The following TMEM200C variants were observed in gnomAD, a reference collection of about 807,000 sequenced individuals.
TMEM200C encodes the protein transmembrane protein TTMA.
For synonymous variants in TMEM200C, 462 were observed against 324.7 expected, an observed-to-expected ratio of 1.42 and a Z score of -4.55; for missense variants, 966 against 699.9, an observed-to-expected ratio of 1.38 and a Z score of -4.29.
exon 3 of TMEM200C, chr18:5,884,850 T>A (rs2095164228): frequency 6.6e-6 from 1 of 152,126 alleles, no homozygotes; most frequent in African/African-American, 2.4e-5. Context: ...TAGACATAGT[T>A]TAAAGATACT....
intron 2 of TMEM200C, among the ~76,000 whole-genome samples, chr18:5,894,499 T>C (rs2095174061): frequency 6.6e-6 from 1 of 152,184 alleles, no homozygotes; most frequent in Non-Finnish European, 1.5e-5. Context: ...CCTCGCAATT[T>C]ACTGCCTGGA....
chr18:5,891,398 C>T lies in TMEM200C; in HGVS notation c.666G>A (p.Ala222=). The change falls in exon 3 of 3, where the codon GCG becomes GCA. Residue 222 remains alanine, a synonymous_variant. Transcript: ENST00000581347. This position sits in a 1 kb window ranked among gnomAD's most constrained non-coding sequence, Gnocchi z 4.7. ...AGGCGGCGGCGGCCGCGGCGGCGGCCGCGGCGGCCGCCAGGTCTTTGGCGC... is the reference window on the plus strand; with the variant it reads ...AGGCGGCGGCGGCCGCGGCGGCGGCTGCGGCGGCCGCCAGGTCTTTGGCGC... 7.4e-7 allele frequency: 1 copy of T among 1,353,278 alleles called. No homozygotes were observed. 83.8% of individuals were successfully genotyped at this position (1,353,278 alleles called of 1,614,324 possible).
chr18:5,890,620 GC>G lies in TMEM200C; in HGVS notation c.1443del (p.Pro482ArgfsTer73). On this transcript the variant is annotated frameshift_variant, in exon 3 of 3. Transcript: ENST00000581347. LOFTEE classifies it low-confidence loss of function (END_TRUNC). ...GGGGAGGGCGGGGGCTCGGGGGACGGCGGCGCCCGGTAGTCCGGGAGCCCGC... is the reference window on the plus strand; with the variant it reads ...GGGGAGGGCGGGGGCTCGGGGGACGGGGCGCCCGGTAGTCCGGGAGCCCGC... 1 of 1,001,478 alleles carries G rather than the reference GC, an allele frequency of 1.0e-6. No homozygotes were observed. The highest frequency in any genetic ancestry group is 1.3e-6 in the Non-Finnish European group (1 of 766,158). 62.0% of individuals were successfully genotyped at this position (1,001,478 alleles called of 1,614,324 possible). A position where few individuals can be genotyped will look rare whatever the true frequency, so the allele number is the denominator to read the frequency against.
intron 2 of TMEM200C, among the ~76,000 whole-genome samples, chr18:5,893,890 C>T (rs2095173494): frequency 6.6e-6 from 1 of 151,544 alleles, no homozygotes; most frequent in African/African-American, 2.4e-5. Flanking sequence ...TTAAGCTGCA[C>T]CAGTAAGTAC....
In TMEM200C at chr18:5,891,308, G is replaced by A. The variant is rs989336256; in HGVS notation, c.756C>T (p.Ser252=). 5 of 1,410,928 alleles carry A rather than the reference G, an allele frequency of 3.5e-6. No individual in the cohort carries two copies. The highest frequency in any genetic ancestry group is 4.6e-6 in the Non-Finnish European group (5 of 1,077,198). 87.4% of individuals were successfully genotyped at this position (1,410,928 alleles called of 1,614,324 possible). The change falls in exon 3 of 3, where the codon AGC becomes AGT. Residue 252 remains serine (S), a synonymous_variant. Coordinates refer to ENST00000581347, the Ensembl canonical transcript of TMEM200C. The surrounding 1 kb of genome is among the most constrained non-coding windows in gnomAD (Gnocchi z 4.7). ...GCTCCAGGCCCCGCGACTGCACGTA[G>A]CTGAGGAAGCCGTTGAGCGGTATGG...
At chr18:5,885,033 C>G (rs557060841) in exon 3 of TMEM200C, 1 of 152,200 alleles carries the variant, frequency 6.6e-6, no homozygotes, top group East Asian at 1.9e-4. Context: ...AATGTCTAGC[C>G]ATGCATTTGC....
At position 5,891,660 on chromosome 18, in the gene TMEM200C, G is replaced by A; in HGVS notation, c.404C>T (p.Pro135Leu). 1 of 1,613,818 alleles carries A rather than the reference G, an allele frequency of 6.2e-7. No individual in the cohort carries two copies. Among genetic ancestry groups the A allele is most frequent in the Non-Finnish European group, 8.5e-7 (1 of 1,179,860 alleles). Residue 135 changes from proline to leucine, a missense_variant, in exon 3 of 3, where the codon CCT (proline) becomes CTT (leucine). Physicochemically the swap from Pro to Leu is moderately conservative, Grantham distance 98 (BLOSUM62 -3). Coordinates refer to ENST00000581347, the Ensembl canonical transcript of TMEM200C. The surrounding 1 kb of genome is among the most constrained non-coding windows in gnomAD (Gnocchi z 4.7). ...GGACGGGGAGGCGGCTCGTGCTGGA[G>A]GCGTGCTCCTGGGCGCGCCCGCGGA...
chr18:5,884,065 T>C lies in TMEM200C; in HGVS notation c.*6133A>G, dbSNP rs142203846. ...ATTAAATATAGAATGTAGGTATATATATTTTGAGCATTTTAATGCCAAACC... is the reference window on the plus strand; with the variant it reads ...ATTAAATATAGAATGTAGGTATATACATTTTGAGCATTTTAATGCCAAACC... On this transcript the variant is annotated 3_prime_UTR_variant, in exon 3 of 3. Coordinates refer to ENST00000581347, the Ensembl canonical transcript of TMEM200C. 1.1e-4 allele frequency: 17 copies of C among 152,252 alleles called. No homozygotes were observed. The East Asian group carries it at 3.1e-3, about 28-fold the overall frequency. 9.4% of individuals were successfully genotyped at this position (152,252 alleles called of 1,614,324 possible).
At chr18:5,893,857 A>G (rs2095173455) in intron 2 of TMEM200C, among the ~76,000 whole-genome samples, 1 of 152,234 alleles carries the variant, frequency 6.6e-6, no homozygotes, top group African/African-American at 2.4e-5. Context: ...AGGGGTCAGT[A>G]TAGAGAATAC....
intron 1 of TMEM200C, chr18:5,895,847 C>T (rs1337657862): frequency 6.6e-6 from 1 of 151,716 alleles, no homozygotes; most frequent in African/African-American, 2.4e-5. Flanking sequence ...CTTCTTTCCT[C>T]CAACTACCTG....
At chr18:5,895,571 C>T (rs1319528927) in intron 1 of TMEM200C, 49 bp from the exon 1 acceptor site, 1 of 140,708 alleles carries the variant, frequency 7.1e-6, no homozygotes, top group Non-Finnish European at 1.6e-5. Flanking sequence ...CGCCCCCGCC[C>T]CCGCCCCCCG....
chr18:5,884,615 T>C (rs1436899725), exon 3 of TMEM200C: 2 of 152,098 alleles, frequency 1.3e-5, no homozygotes, highest in African/African-American at 4.8e-5. Context: ...TTTGTGTAGT[T>C]TACCAAAAGG....
Position 5,891,115 on chromosome 18 carries a change from T to C in TMEM200C, c.949A>G (p.Ser317Gly). The change falls in exon 3 of 3, where the codon AGC becomes GGC. Residue 317 changes from serine to glycine, a missense_variant. Ser to Gly is a moderately conservative substitution (Grantham distance 56, BLOSUM62 0). Transcript: ENST00000581347. This position sits in a 1 kb window ranked among gnomAD's most constrained non-coding sequence, Gnocchi z 4.7. ...ACGCTGTACACGGCCTCGGCCAGGCTCGGGGGCTCCCGCGGACAGCGCGGG... is the reference window on the plus strand; with the variant it reads ...ACGCTGTACACGGCCTCGGCCAGGCCCGGGGGCTCCCGCGGACAGCGCGGG... The C allele has an allele frequency of 2.0e-6, 1 of 496,458 alleles. No homozygotes were observed. The highest frequency in any genetic ancestry group is 3.4e-6 in the Non-Finnish European group (1 of 295,402). The allele number at this position is 496,458 out of a possible 1,614,324, so 30.8% of individuals were successfully genotyped here.
chr18:5,888,058 C>T (rs775296994), exon 3 of TMEM200C: 1 of 152,222 alleles, frequency 6.6e-6, no homozygotes, highest in Non-Finnish European at 1.5e-5. Context: ...ACAGTGCATT[C>T]TCCGAGGACT....
At chr18:5,890,665 A>C in exon 3 of TMEM200C, 1 of 616,304 alleles carries the variant, frequency 1.6e-6, no homozygotes, top group Non-Finnish European at 2.4e-6. Flanking sequence ...CGGCGCCGCA[A>C]GGCCGCGTAC....
In TMEM200C at chr18:5,895,012, G is replaced by C. The variant is rs1411353929; in HGVS notation, c.-95+18C>G. 7 of 152,284 alleles carry C rather than the reference G, an allele frequency of 4.6e-5. No homozygotes were observed. Among genetic ancestry groups the C allele is most frequent in the African/African-American group, 1.4e-4 (6 of 41,450 alleles). The allele number at this position is 152,284 out of a possible 1,614,324, so 9.4% of individuals were successfully genotyped here. On this transcript the variant is annotated intron_variant, in intron 2 of 2. Coordinates refer to ENST00000581347, the Ensembl canonical transcript of TMEM200C. ...CTCAAAATGGCAGCACTCTCCGCAC[G>C]CAAGATCGCTCACTTACCCAGGGAG...
At chr18:5,890,246 C>T in exon 3 of TMEM200C, 1 of 1,584,104 alleles carries the variant, frequency 6.3e-7, no homozygotes, top group Non-Finnish European at 8.6e-7. Flanking sequence ...TGGCATGAGA[C>T]CTGGAAATCA....
intron 2 of TMEM200C, among the ~76,000 whole-genome samples, chr18:5,893,138 CT>C (rs2095172833): frequency 6.6e-6 from 1 of 152,136 alleles, no homozygotes; most frequent in African/African-American, 2.4e-5. Context: ...AACTAACACT[CT>C]GCCATAATAG....
At chr18:5,883,470 C>A (rs2095163190) in exon 3 of TMEM200C, 1 of 152,004 alleles carries the variant, frequency 6.6e-6, no homozygotes, top group African/African-American at 2.4e-5. Flanking sequence ...GTTTAAAAAT[C>A]AAAAGGCATA....
Sources: gnomAD v4.1 joint callset for allele counts (sites outside exome capture counted in the v4.1 genomes callset) on GRCh38, gnomAD v4.1.1 for gene constraint, Gnocchi (gnomAD v3.1) non-coding constraint, MANE v1.5 for transcripts, NCBI Gene and HGNC (gene_info 2026-07-23, HGNC 2026-07-21) for gene names.